CRMP1: variants seen among roughly 807,000 people sequenced by gnomAD.
CRMP1 encodes dihydropyrimidinase-related protein 1.
In CRMP1, 19 loss-of-function variants were observed where a neutral mutation model predicts 68.3. The observed-to-expected ratio is 0.28, with a 90% CI of 0.19 to 0.41. The LOEUF is 0.41. CRMP1 is among the 10% of genes least tolerant of loss of function. The probability of loss-of-function intolerance (pLI) is 1.00; values close to 1 mark genes in which losing one functional copy is unlikely to be tolerated. For synonymous variants in CRMP1, 439 were observed against 399.6 expected (o/e 1.10, Z -1.18); for missense variants, 791 against 967.4 (o/e 0.82, Z 2.42).
At chr4:5,844,428 G>A (rs1002449507) in intron 6 of CRMP1, among the ~76,000 whole-genome samples, 7 of 152,070 alleles carry the variant, frequency 4.6e-5, no homozygotes, top group East Asian at 1.9e-4. Context: ...GAGAAGAGGC[G>A]AGGAAGGGAG....
Position 5,867,195 on chromosome 4 carries a change from A to C in CRMP1, c.382-439T>G, listed in dbSNP as rs142483928. ...CAATTAACTTAATACCTTGCTTATCAGTCAATAATCAGGCCCTCTTCAATG... is the reference window on the plus strand; with the variant it reads ...CAATTAACTTAATACCTTGCTTATCCGTCAATAATCAGGCCCTCTTCAATG... On this transcript the variant is annotated intron_variant, in intron 1 of 13. Coordinates refer to ENST00000324989, the MANE Select transcript of CRMP1 (RefSeq NM_001014809.3). Among the ~76,000 whole-genome samples, 15 of 152,332 alleles carry C rather than the reference A, an allele frequency of 9.8e-5. No homozygotes were observed. In the East Asian group the frequency reaches 2.9e-3, roughly 29 times the overall value.
In CRMP1 at chr4:5,872,208, T is replaced by C. The variant is rs1414932650; in HGVS notation, c.382-5452A>G. 6.6e-6 allele frequency among the ~76,000 whole-genome samples: 1 copy of C among 151,990 alleles called. No individual in the cohort carries two copies. The highest frequency in any genetic ancestry group is 6.6e-5 in the Admixed American group (1 of 15,252). ...GGCTGCCTTTCTCATGCAGGAAATA[T>C]GAGTGCACAGAACTGTATACTAAAA... On this transcript the variant is annotated intron_variant, in intron 1 of 13. Transcript: ENST00000324989. The surrounding 1 kb of genome is among the most constrained non-coding windows in gnomAD (Gnocchi z 4.6).
In CRMP1 at chr4:5,828,608, T is replaced by G; in HGVS notation, c.1684A>C (p.Ser562Arg). The G allele has an allele frequency of 1.2e-6, 2 of 1,614,222 alleles. No individual in the cohort carries two copies. Among genetic ancestry groups the G allele is most frequent in the Non-Finnish European group, 1.7e-6 (2 of 1,180,038 alleles). ...TCTTCAAAGACGATCTTGCCCTGGC[T>G]GATGACCACTAGTGGGGAGCCGTGG... is the stretch of plus-strand genomic sequence containing the variant. ...ECHGSPLVVISQGKIVFEDGN... is the reference protein window; with the variant it reads ...ECHGSPLVVIRQGKIVFEDGN... The change falls in exon 12 of 14, where the codon AGC (serine) becomes CGC (arginine). Residue 562 changes from serine (S) to arginine (R), a missense_variant. This residue lies in a region of CRMP1 where 594 missense variants were observed against 763.6 expected (regional missense o/e 0.78). Coordinates refer to ENST00000324989, the MANE Select transcript of CRMP1 (RefSeq NM_001014809.3).
chr4:5,856,047 C>G, intron 4 of CRMP1, 96 bp downstream of exon 4: 1 of 1,440,938 alleles, frequency 6.9e-7, no homozygotes, highest in Admixed American at 1.8e-5. Context: ...AGGCTCAGAA[C>G]AGATGCAGAC....
rs1713306323 is a variant in CRMP1 at position 5,858,567 on chromosome 4, C to G, written c.656-2260G>C. Reference sequence around the variant, plus strand: ...TCCATATCCCTGGAGCTGTCCAATTCTGCCCACTCCATGGCCACGCCACCC... The same window carrying G: ...TCCATATCCCTGGAGCTGTCCAATTGTGCCCACTCCATGGCCACGCCACCC... On this transcript the variant is annotated intron_variant, in intron 3 of 13. Coordinates refer to ENST00000324989, the MANE Select transcript of CRMP1 (RefSeq NM_001014809.3). The surrounding 1 kb of genome is among the most constrained non-coding windows in gnomAD (Gnocchi z 5.5). Among the ~76,000 whole-genome samples, 1 of 152,156 alleles carries G rather than the reference C, an allele frequency of 6.6e-6. No individual in the cohort carries two copies. Among genetic ancestry groups the G allele is most frequent in the South Asian group, 2.1e-4 (1 of 4,826 alleles).
At position 5,889,142 on chromosome 4, in the gene CRMP1, T is replaced by C. The variant is rs1715823111; in HGVS notation, c.381+3447A>G. Among the ~76,000 whole-genome samples, 2 of 152,196 alleles carry C rather than the reference T, an allele frequency of 1.3e-5. No homozygotes were observed. The highest frequency in any genetic ancestry group is 4.2e-4 in the South Asian group (2 of 4,802). Reference sequence around the variant, plus strand: ...CCCTGCCACCCTCTCCATCCTAGCATTGAACCAGCCCTCCCTGGGGGCCTC... The same window carrying C: ...CCCTGCCACCCTCTCCATCCTAGCACTGAACCAGCCCTCCCTGGGGGCCTC... On this transcript the variant is annotated intron_variant, in intron 1 of 13. Transcript: ENST00000324989. This position sits in a 1 kb window ranked among gnomAD's most constrained non-coding sequence, Gnocchi z 4.5.
rs1715829355 is a variant in CRMP1, at chr4:5,889,218, C to G, written c.381+3371G>C. Among the ~76,000 whole-genome samples, 1 of 152,108 alleles carries G rather than the reference C, an allele frequency of 6.6e-6. No homozygotes were observed. Among genetic ancestry groups the G allele is most frequent in the Non-Finnish European group, 1.5e-5 (1 of 68,018 alleles). On this transcript the variant is annotated intron_variant, in intron 1 of 13. Transcript: ENST00000324989. The surrounding 1 kb of genome is among the most constrained non-coding windows in gnomAD (Gnocchi z 4.5). The stretch of plus-strand genomic sequence containing the variant: ...AGGGAACAGCAGGGACAGAAGGGTA[C>G]GGCCTTAATTAATGCTGACCTGTTC...
rs894903217 is a variant in CRMP1, at chr4:5,865,350, G to A, written c.470+1318C>T. On this transcript the variant is annotated intron_variant, in intron 2 of 13. Coordinates refer to ENST00000324989, the MANE Select transcript of CRMP1 (RefSeq NM_001014809.3). This position sits in a 1 kb window ranked among gnomAD's most constrained non-coding sequence, Gnocchi z 4.1. Reference sequence around the variant, plus strand: ...TAAAATGTTAAGGCCAGCCAGGCGCGATGGCTCACACCTGTAATCCCAGCA... The same window carrying A: ...TAAAATGTTAAGGCCAGCCAGGCGCAATGGCTCACACCTGTAATCCCAGCA... Among the ~76,000 whole-genome samples the A allele has an allele frequency of 3.9e-5, 6 of 152,114 alleles. No homozygotes were observed. Among genetic ancestry groups the A allele is most frequent in the African/African-American group, 9.7e-5 (4 of 41,428 alleles).
chr4:5,848,860 G>A (rs1343599481), intron 6 of CRMP1, among the ~76,000 whole-genome samples: 3 of 152,080 alleles, frequency 2.0e-5, no homozygotes, highest in Non-Finnish European at 4.4e-5. Context: ...CCCGTCATAA[G>A]GCCCCCACCC....
intron 1 of CRMP1, among the ~76,000 whole-genome samples, chr4:5,876,066 T>C (rs1291962071): frequency 1.3e-5 from 2 of 149,782 alleles, no homozygotes; most frequent in Admixed American, 6.7e-5. Context: ...GGCAGGAAAA[T>C]GGCATGAGCC....
At position 5,821,793 on chromosome 4, in the gene CRMP1, AG is replaced by A; in HGVS notation, c.2027del (p.Pro676LeufsTer21). ...RRTGHRIVAP[P>X]GGRSNITSLG ...GGCTGGTGATGTTGGAGCGGCCACC[AG>A]GGGGCGCCACGATGCGGTGGCCGGT... On this transcript the variant is annotated frameshift_variant, in exon 14 of 14. Coordinates refer to ENST00000324989, the MANE Select transcript of CRMP1 (RefSeq NM_001014809.3). LOFTEE classifies it high-confidence loss of function. The surrounding 1 kb of genome is among the most constrained non-coding windows in gnomAD (Gnocchi z 4.4). 3 of 1,611,520 alleles carry A rather than the reference AG, an allele frequency of 1.9e-6. No individual in the cohort carries two copies. The highest frequency in any genetic ancestry group is 8.5e-7 in the Non-Finnish European group (1 of 1,179,080).
Position 5,888,163 on chromosome 4 carries a change from C to A in CRMP1, c.381+4426G>T. 1 of 1,234,064 alleles carries A rather than the reference C, an allele frequency of 8.1e-7. No individual in the cohort carries two copies. Among genetic ancestry groups the A allele is most frequent in the Middle Eastern group, 2.5e-4 (1 of 4,020 alleles). 76.4% of individuals were successfully genotyped at this position (1,234,064 alleles called of 1,614,324 possible). On this transcript the variant is annotated intron_variant, in intron 1 of 13. Coordinates refer to ENST00000324989, the MANE Select transcript of CRMP1 (RefSeq NM_001014809.3). This position sits in a 1 kb window ranked among gnomAD's most constrained non-coding sequence, Gnocchi z 6.4. The stretch of plus-strand genomic sequence containing the variant: ...TGCCGGCGCCCCGTGGATCTGGACC[C>A]TGCCGGGCGCCCACTCCCAGCCCAC...
chr4:5,851,567 C>G (rs1712621557), intron 4 of CRMP1, 98 bp from the exon 5 acceptor site: 1 of 1,212,298 alleles, frequency 8.2e-7, no homozygotes, highest in Admixed American at 1.7e-5. Flanking sequence ...TGGTAGTCGC[C>G]AGGAGAGATG....
chr4:5,853,703 T>C lies in CRMP1; in HGVS notation c.821-2234A>G, dbSNP rs1712833040. ...TTAGGAAGCAACCTGTGTCCATCAATGAATGAATGGATTTTATAAATGTGG... is the reference window on the plus strand; with the variant it reads ...TTAGGAAGCAACCTGTGTCCATCAACGAATGAATGGATTTTATAAATGTGG... On this transcript the variant is annotated intron_variant, in intron 4 of 13. Coordinates refer to ENST00000324989, the MANE Select transcript of CRMP1 (RefSeq NM_001014809.3). The surrounding 1 kb of genome is among the most constrained non-coding windows in gnomAD (Gnocchi z 4.7). Among the ~76,000 whole-genome samples the C allele has an allele frequency of 6.6e-6, 1 of 152,200 alleles. No individual in the cohort carries two copies. Among genetic ancestry groups the C allele is most frequent in the Non-Finnish European group, 1.5e-5 (1 of 68,040 alleles).
rs1410266916 is a variant in CRMP1, at chr4:5,858,420, A to G, written c.656-2113T>C. On this transcript the variant is annotated intron_variant, in intron 3 of 13. Transcript: ENST00000324989. The surrounding 1 kb of genome is among the most constrained non-coding windows in gnomAD (Gnocchi z 5.5). ...GCAATACTCTCCCCACCCCGACCCC[A>G]GCTGTGGTGGACATCACCAACCAAC... Among the ~76,000 whole-genome samples, 2 of 151,140 alleles carry G rather than the reference A, an allele frequency of 1.3e-5. No individual in the cohort carries two copies. The highest frequency in any genetic ancestry group is 3.9e-4 in the East Asian group (2 of 5,126).
chr4:5,892,641 C>T lies in CRMP1; in HGVS notation c.329G>A (p.Arg110His). Residue 110 changes from arginine to histidine, a missense_variant, in exon 1 of 14, where the codon CGC (arginine) becomes CAC (histidine). This residue lies in a region of CRMP1 where 193 missense variants were observed against 186.3 expected (regional missense o/e 1.04). Transcript: ENST00000324989. This position sits in a 1 kb window ranked among gnomAD's most constrained non-coding sequence, Gnocchi z 8.6. ...GTCGCGGGGCGCGGGGCGGCGGATG[C>T]GCAGCGTCGGCGGCCGCTCGTCGCG... ...GERDERPPTLRIRRPAPRDLP... is the reference protein window; with the variant it reads ...GERDERPPTLHIRRPAPRDLP... 8.4e-7 allele frequency: 1 copy of T among 1,193,348 alleles called. No individual in the cohort carries two copies. 73.9% of individuals were successfully genotyped at this position (1,193,348 alleles called of 1,614,324 possible).
At position 5,825,434 on chromosome 4, in the gene CRMP1, G is replaced by A. The variant is rs929933083; in HGVS notation, c.1969+60C>T. ...CGTGTCCATTTCCTCAGAAGCAGCA[G>A]GAAGGACTCGGCCTGAACTGCTGCA... On this transcript the variant is annotated intron_variant, in intron 13 of 13. Transcript: ENST00000324989. This position sits in a 1 kb window ranked among gnomAD's most constrained non-coding sequence, Gnocchi z 4.4. The A allele has an allele frequency of 6.7e-7, 1 of 1,502,638 alleles. No homozygotes were observed. The highest frequency in any genetic ancestry group is 1.4e-5 in the African/African-American group (1 of 69,972). 93.1% of individuals were successfully genotyped at this position (1,502,638 alleles called of 1,614,324 possible).
chr4:5,888,325 G>T lies in CRMP1; in HGVS notation c.381+4264C>A. 1 of 1,241,658 alleles carries T rather than the reference G, an allele frequency of 8.1e-7. No individual in the cohort carries two copies. Among genetic ancestry groups the T allele is most frequent in the African/African-American group, 1.6e-5 (1 of 64,364 alleles). 76.9% of individuals were successfully genotyped at this position (1,241,658 alleles called of 1,614,324 possible). On this transcript the variant is annotated intron_variant, in intron 1 of 13. Coordinates refer to ENST00000324989, the MANE Select transcript of CRMP1 (RefSeq NM_001014809.3). This position sits in a 1 kb window ranked among gnomAD's most constrained non-coding sequence, Gnocchi z 6.4. ...CCTGCGGGGCTGTCTGACTGGAACC[G>T]GCGCTCTCGGCCCCGCTCCCAGCGG... is the stretch of plus-strand genomic sequence containing the variant.
chr4:5,886,517 C>A (rs1204778754), intron 1 of CRMP1, among the ~76,000 whole-genome samples: 3 of 152,262 alleles, frequency 2.0e-5, no homozygotes, highest in Non-Finnish European at 2.9e-5. Flanking sequence ...GGCAGTAGGC[C>A]TGGTGACCAC....
Sources: allele counts gnomAD v4.1 joint callset (sites outside exome capture counted in the v4.1 genomes callset), GRCh38; gene constraint gnomAD v4.1.1; regional missense constraint gnomAD v4.1.1; non-coding constraint Gnocchi (gnomAD v3.1); transcripts MANE v1.5; gene names NCBI Gene and HGNC (gene_info 2026-07-23, HGNC 2026-07-21).